Variants in IQCM observed in about 807,000 individuals in gnomAD.
IQCM encodes IQ domain-containing protein M.
In IQCM, 45 loss-of-function variants were observed where a neutral mutation model predicts 57.6. The observed-to-expected ratio is 0.78, with a 90% CI of 0.62 to 1.00. IQCM has a LOEUF of 1.00. Ranked by LOEUF, IQCM falls within the 50% of genes least tolerant of loss-of-function variation. IQCM has a pLI of 0.00. For missense variants in IQCM, 468 were observed against 511.6 expected (o/e 0.91, Z 0.82); for synonymous variants, 148 against 158.9 (o/e 0.93, Z 0.51).
chr4:149,665,455 C>T (rs376171145), intron 7 of IQCM, among the ~76,000 whole-genome samples: 4 of 152,150 alleles, frequency 2.6e-5, no homozygotes, highest in African/African-American at 4.8e-5. Flanking sequence ...GTGACTCACT[C>T]ACCTTTCTAT....
chr4:149,751,031 A>C (rs964053218), intron 2 of IQCM, among the ~76,000 whole-genome samples: 3 of 152,282 alleles, frequency 2.0e-5, no homozygotes, highest in East Asian at 3.9e-4. Flanking sequence ...AAGGTCTGAA[A>C]TGGTTTTGGA....
chr4:149,677,671 A>G (rs1226423018), intron 7 of IQCM, among the ~76,000 whole-genome samples: 1 of 152,018 alleles, frequency 6.6e-6, no homozygotes, highest in East Asian at 1.9e-4. Context: ...GATTTCCCCA[A>G]GCATACAAAG....
intron 2 of IQCM, among the ~76,000 whole-genome samples, chr4:149,797,102 G>A (rs1035388851): frequency 2.0e-5 from 3 of 152,104 alleles, no homozygotes; most frequent in African/African-American, 7.2e-5. Context: ...GAGAAACACA[G>A]ATAGGTGACC....
intron 2 of IQCM, among the ~76,000 whole-genome samples, chr4:149,753,903 T>C (rs916349088): frequency 2.6e-5 from 4 of 151,868 alleles, no homozygotes; most frequent in African/African-American, 9.7e-5. Flanking sequence ...TAAAAGTACA[T>C]TCCAGATGCC....
chr4:149,719,464 G>A (rs1002788278), intron 5 of IQCM, among the ~76,000 whole-genome samples: 1 of 152,160 alleles, frequency 6.6e-6, no homozygotes. Flanking sequence ...ATAAAGCTGG[G>A]ATTTGAGCCT....
intron 12 of IQCM, among the ~76,000 whole-genome samples, chr4:149,508,360 G>A (rs1336493103): frequency 1.3e-5 from 2 of 152,170 alleles, no homozygotes; most frequent in African/African-American, 4.8e-5. Context: ...GCCAGCCCAT[G>A]AAAGCAGCCA....
intron 8 of IQCM, among the ~76,000 whole-genome samples, chr4:149,605,748 C>G (rs1029249376): frequency 6.6e-6 from 1 of 152,044 alleles, no homozygotes; most frequent in Non-Finnish European, 1.5e-5. Flanking sequence ...CAATGTGACA[C>G]CAGCTGTAGT....
At chr4:149,579,690 T>A (rs1187016977) in intron 9 of IQCM, among the ~76,000 whole-genome samples, 1 of 151,856 alleles carries the variant, frequency 6.6e-6, no homozygotes, top group Non-Finnish European at 1.5e-5. Context: ...TTTTGCCTCA[T>A]ACCACTGAGA....
chr4:149,489,159 G>A (rs1216648162), intron 12 of IQCM, among the ~76,000 whole-genome samples: 3 of 152,004 alleles, frequency 2.0e-5, no homozygotes, highest in Non-Finnish European at 2.9e-5. Context: ...CAAGCAAGGA[G>A]GTAATGGAAT....
At chr4:149,535,205 C>G (rs2726752) in intron 12 of IQCM, among the ~76,000 whole-genome samples, 35,531 of 151,834 alleles carry the variant, frequency 0.23, 4,729 homozygotes, top group Non-Finnish European at 0.29. Context: ...TAGGACTCTG[C>G]ATCAAGATAA....
intron 12 of IQCM, among the ~76,000 whole-genome samples, chr4:149,461,584 G>A (rs986027952): frequency 2.0e-5 from 3 of 150,606 alleles, no homozygotes; most frequent in African/African-American, 7.3e-5. Flanking sequence ...GGCCTGGGAG[G>A]TCGAGGCTGC....
At chr4:149,498,201 G>A (rs575945804) in intron 12 of IQCM, among the ~76,000 whole-genome samples, 3 of 152,090 alleles carry the variant, frequency 2.0e-5, no homozygotes, top group Non-Finnish European at 4.4e-5. Context: ...AACAAGAAAA[G>A]GGAGAAGTAT....
chr4:149,813,853 C>T (rs138281458), intron 2 of IQCM, among the ~76,000 whole-genome samples: 3 of 152,006 alleles, frequency 2.0e-5, no homozygotes, highest in African/African-American at 4.8e-5. Context: ...ATTCCAGAGT[C>T]CTTAGCACAG....
intron 2 of IQCM, among the ~76,000 whole-genome samples, chr4:149,804,846 T>C (rs936969332): frequency 1.3e-5 from 2 of 152,036 alleles, no homozygotes; most frequent in African/African-American, 4.8e-5. Flanking sequence ...ATTTCCCTCT[T>C]TTCCACGGAC....
rs146006603 is a variant in IQCM, at chr4:149,407,371, A to T, written c.1390+26025T>A. ...AAGGGTACAAGTGCAGTTGTGTTACATGATTATATTGAGTAGTGGTGAAAG... is the reference window on the plus strand; with the variant it reads ...AAGGGTACAAGTGCAGTTGTGTTACTTGATTATATTGAGTAGTGGTGAAAG... On this transcript the variant is annotated intron_variant, in intron 13 of 13. Coordinates refer to ENST00000636793, the MANE Select transcript of IQCM (RefSeq NM_001363507.2). Among the ~76,000 whole-genome samples, 280 of 152,256 alleles carry T rather than the reference A, an allele frequency of 1.8e-3. 1 individual carries two copies. Among genetic ancestry groups the T allele is most frequent in the African/African-American group, 6.6e-3 (273 of 41,560 alleles).
At chr4:149,594,469 G>A (rs1753558099) in intron 8 of IQCM, among the ~76,000 whole-genome samples, 1 of 152,054 alleles carries the variant, frequency 6.6e-6, no homozygotes, top group African/African-American at 2.4e-5. Context: ...GTTCTGCTCT[G>A]ATCTTAGTTA....
intron 7 of IQCM, among the ~76,000 whole-genome samples, chr4:149,626,767 A>G (rs1756852204): frequency 6.6e-6 from 1 of 152,150 alleles, no homozygotes; most frequent in Admixed American, 6.6e-5. Flanking sequence ...CAAGATCACA[A>G]AAAATAAATC....
intron 13 of IQCM, among the ~76,000 whole-genome samples, chr4:149,405,012 A>G (rs554406166): frequency 6.6e-6 from 1 of 152,106 alleles, no homozygotes. Flanking sequence ...CAGGAAATGT[A>G]TAAAACTGTT....
intron 2 of IQCM, among the ~76,000 whole-genome samples, chr4:149,792,986 T>C (rs535227434): frequency 8.5e-5 from 13 of 152,270 alleles, no homozygotes; most frequent in Admixed American, 6.5e-4. Flanking sequence ...AAAAGATACA[T>C]AAATTGTCTA....
Sources: gnomAD v4.1 joint callset for allele counts (sites outside exome capture counted in the v4.1 genomes callset) on GRCh38, gnomAD v4.1.1 for gene constraint, MANE v1.5 for transcripts, NCBI Gene and HGNC (gene_info 2026-07-23, HGNC 2026-07-21) for gene names.